The following A1CF variants were observed in gnomAD, a reference collection of about 807,000 sequenced individuals.
A1CF encodes the protein APOBEC-1 stimulating protein.
Under a neutral mutation model 68.9 loss-of-function variants are expected in A1CF, and 48 were observed. That is an observed-to-expected ratio of 0.70 (90% confidence interval 0.55 to 0.89). The LOEUF (loss-of-function observed/expected upper bound fraction) is 0.89, where lower values mean the gene tolerates loss of function less well. Ranked by LOEUF, A1CF falls within the 40% of genes least tolerant of loss-of-function variation. The probability of loss-of-function intolerance (pLI) is 0.00; values close to 1 mark genes in which losing one functional copy is unlikely to be tolerated. For missense variants in A1CF, 653 were observed against 718.9 expected (o/e 0.91, Z 1.05); for synonymous variants, 272 against 260.4 (o/e 1.04, Z -0.43).
At chr10:50,844,791 T>C (rs1337758590) in intron 3 of A1CF, among the ~76,000 whole-genome samples, 1 of 152,228 alleles carries the variant, frequency 6.6e-6, no homozygotes, top group African/African-American at 2.4e-5. Flanking sequence ...GTCAAAAATT[T>C]CATAGGCCTT....
intron 10 of A1CF, among the ~76,000 whole-genome samples, chr10:50,812,211 G>A (rs902277261): frequency 1.3e-5 from 2 of 152,180 alleles, no homozygotes; most frequent in Admixed American, 1.3e-4. Context: ...ATGCCTGCTT[G>A]TTTATGCCAG....
intron 3 of A1CF, among the ~76,000 whole-genome samples, chr10:50,848,109 A>G (rs981768983): frequency 4.6e-5 from 7 of 152,172 alleles, no homozygotes; most frequent in African/African-American, 1.7e-4. Flanking sequence ...ATCTATGAGG[A>G]TGCTACTACT....
At chr10:50,825,302 A>G (rs576485879) in intron 7 of A1CF, among the ~76,000 whole-genome samples, 1 of 152,148 alleles carries the variant, frequency 6.6e-6, no homozygotes, top group Non-Finnish European at 1.5e-5. Context: ...GGATATTACT[A>G]CTATGATAAC....
chr10:50,837,512 T>C lies in A1CF; in HGVS notation c.366-1200A>G, dbSNP rs560360695. Among the ~76,000 whole-genome samples, 15 of 152,358 alleles carry C rather than the reference T, an allele frequency of 9.8e-5. No homozygotes were observed. The South Asian group carries it at 1.0e-3, about 11-fold the overall frequency. Reference sequence around the variant, plus strand: ...TGTTTAAGGATATTTATTACTGCTCTTTAAAATCTCCCCCAAATTGGAAAT... The same window carrying C: ...TGTTTAAGGATATTTATTACTGCTCCTTAAAATCTCCCCCAAATTGGAAAT... On this transcript the variant is annotated intron_variant, in intron 5 of 12. Transcript: ENST00000373997.
At chr10:50,828,340 GACA>G in intron 6 of A1CF, 45 bp from the exon 7 acceptor site, 2 of 1,414,768 alleles carry the variant, frequency 1.4e-6, no homozygotes, top group African/African-American at 1.4e-5. Context: ...TAGGAATCAG[GACA>G]ACATCATCTC....
chr10:50,860,013 T>C, intron 2 of A1CF, 28 bp from the exon 3 acceptor site: 1 of 1,197,416 alleles, frequency 8.4e-7, no homozygotes, highest in South Asian at 1.3e-5. Flanking sequence ...ATAAATTAAG[T>C]AAATTACTGT....
chr10:50,840,198 G>C (rs1397316481), intron 5 of A1CF, among the ~76,000 whole-genome samples: 1 of 151,632 alleles, frequency 6.6e-6, no homozygotes, highest in Non-Finnish European at 1.5e-5. Context: ...CCATTTTAAG[G>C]TGCAGTTCTC....
intron 6 of A1CF, among the ~76,000 whole-genome samples, chr10:50,835,601 C>T (rs752783723): frequency 1.3e-5 from 2 of 152,156 alleles, no homozygotes; most frequent in East Asian, 1.9e-4. Context: ...GAGCTTTTAT[C>T]TCTCTTCTCT....
intron 3 of A1CF, among the ~76,000 whole-genome samples, chr10:50,853,555 G>A (rs1389106530): frequency 6.6e-6 from 1 of 151,928 alleles, no homozygotes; most frequent in African/African-American, 2.4e-5. Flanking sequence ...CTCTCTTTGT[G>A]GTGGAATCAA....
intron 1 of A1CF, among the ~76,000 whole-genome samples, chr10:50,869,502 C>G (rs1387198312): frequency 2.6e-5 from 4 of 151,890 alleles, no homozygotes; most frequent in African/African-American, 4.8e-5. Context: ...TTTCATTTAT[C>G]TTTGTTTTTG....
intron 3 of A1CF, among the ~76,000 whole-genome samples, chr10:50,856,738 A>G (rs1285197330): frequency 2.6e-5 from 4 of 152,112 alleles, no homozygotes; most frequent in Non-Finnish European, 5.9e-5. Flanking sequence ...TAAGGACTAG[A>G]TGAGTTAATA....
intron 8 of A1CF, 67 bp from the exon 9 acceptor site, chr10:50,816,346 T>A: frequency 6.7e-7 from 1 of 1,503,606 alleles, no homozygotes; most frequent in Non-Finnish European, 9.2e-7. Flanking sequence ...GGCTGAGCCC[T>A]AATAACATGA....
intron 3 of A1CF, among the ~76,000 whole-genome samples, chr10:50,852,871 A>G (rs1166978575): frequency 6.6e-6 from 1 of 152,174 alleles, no homozygotes; most frequent in Non-Finnish European, 1.5e-5. Flanking sequence ...GGAACATTCA[A>G]TTAAAATTAC....
At chr10:50,834,763 T>A (rs1261753632) in intron 6 of A1CF, among the ~76,000 whole-genome samples, 2 of 152,040 alleles carry the variant, frequency 1.3e-5, no homozygotes, top group Non-Finnish European at 2.9e-5. Flanking sequence ...GATGGAGAAG[T>A]CGGAGGGTGG....
At chr10:50,830,091 A>G (rs1839167155) in intron 6 of A1CF, among the ~76,000 whole-genome samples, 1 of 152,190 alleles carries the variant, frequency 6.6e-6, no homozygotes, top group Non-Finnish European at 1.5e-5. Flanking sequence ...TCAAGTATAC[A>G]AATACATTAA....
At chr10:50,815,731 GT>G (rs1838334057) in intron 9 of A1CF, among the ~76,000 whole-genome samples, 1 of 152,130 alleles carries the variant, frequency 6.6e-6, no homozygotes, top group South Asian at 2.1e-4. Context: ...ATAGAACTAG[GT>G]TTTAGTTTGT....
chr10:50,885,391 T>C (rs1841959295), intron 1 of A1CF, among the ~76,000 whole-genome samples, 190 bp downstream of exon 1: 1 of 152,180 alleles, frequency 6.6e-6, no homozygotes, highest in Admixed American at 6.5e-5. Flanking sequence ...ATTTAGAGAT[T>C]ATATAATAAT....
At position 50,806,801 on chromosome 10, in the gene A1CF, T is replaced by C; in HGVS notation, c.1689A>G (p.Ala563=). The change falls in exon 13 of 13, where the codon GCA becomes GCG. Residue 563 remains alanine (A), a synonymous_variant. Coordinates refer to ENST00000373997, the MANE Select transcript of A1CF (RefSeq NM_014576.4). The part of the protein sequence containing the change: ...KQAVTLGQDL[A]AYTTYEVYPT... ...GGTAGACCTCATAGGTTGTATATGC[T>C]GCTAAGTCTTGTCCAAGGGTTACCG... 7 of 1,613,756 alleles carry C rather than the reference T, an allele frequency of 4.3e-6. No individual in the cohort carries two copies. The highest frequency in any genetic ancestry group is 5.1e-6 in the Non-Finnish European group (6 of 1,179,766).
chr10:50,830,871 G>T (rs1371197625), intron 6 of A1CF, among the ~76,000 whole-genome samples: 1 of 152,130 alleles, frequency 6.6e-6, no homozygotes, highest in Non-Finnish European at 1.5e-5. Flanking sequence ...ATACTGCAAA[G>T]CTATAGTAAT....
Sources: gnomAD v4.1 joint callset for allele counts (sites outside exome capture counted in the v4.1 genomes callset) on GRCh38, gnomAD v4.1.1 for gene constraint, MANE v1.5 for transcripts, NCBI Gene and HGNC (gene_info 2026-07-23, HGNC 2026-07-21) for gene names.